SAMD12: variants seen among roughly 807,000 people sequenced by gnomAD.
The protein encoded by SAMD12 is sterile alpha motif domain containing 12, also known as sterile alpha motif domain-containing protein 12.
SAMD12 carries 9 observed loss-of-function variants against 15.0 expected under a neutral mutation model. The ratio of observed to expected loss-of-function variants is 0.60; its 90% CI spans 0.36 to 1.05. The LOEUF (loss-of-function observed/expected upper bound fraction) is 1.05, where lower values mean the gene tolerates loss of function less well. SAMD12 is among the 50% of genes least tolerant of loss of function. SAMD12 has a pLI of 0.01. For missense variants in SAMD12, 230 were observed against 234.2 expected (o/e 0.98, Z 0.12); for synonymous variants, 86 against 90.1 (o/e 0.96, Z 0.25).
At chr8:118,489,265 G>C (rs919271188) in intron 2 of SAMD12, among the ~76,000 whole-genome samples, 1 of 151,980 alleles carries the variant, frequency 6.6e-6, no homozygotes, top group Non-Finnish European at 1.5e-5. Flanking sequence ...TTTATGTATT[G>C]CAAATATCTT....
chr8:118,314,460 T>C (rs1815781107), intron 4 of SAMD12, among the ~76,000 whole-genome samples: 1 of 152,124 alleles, frequency 6.6e-6, no homozygotes, highest in African/African-American at 2.4e-5. Flanking sequence ...TTTTATCACA[T>C]ATGTGGCTTT....
chr8:118,411,408 G>A (rs1187881822), intron 3 of SAMD12, among the ~76,000 whole-genome samples: 1 of 152,206 alleles, frequency 6.6e-6, no homozygotes, highest in African/African-American at 2.4e-5. Flanking sequence ...CACAGTGAGT[G>A]TGGACTCAGG....
At chr8:118,475,997 T>C (rs1003653717) in intron 2 of SAMD12, among the ~76,000 whole-genome samples, 2 of 152,216 alleles carry the variant, frequency 1.3e-5, no homozygotes, top group African/African-American at 4.8e-5. Flanking sequence ...TTCTCTTTCA[T>C]AGGAATCATT....
At chr8:118,287,747 G>T (rs74849096) in intron 4 of SAMD12, among the ~76,000 whole-genome samples, 8,710 of 152,194 alleles carry the variant, frequency 0.057, 784 homozygotes, top group African/African-American at 0.2. Context: ...TGTGATTGTT[G>T]TTCACTTCAT....
intron 1 of SAMD12, among the ~76,000 whole-genome samples, chr8:118,612,566 G>C (rs538915993): frequency 1.3e-5 from 2 of 152,140 alleles, no homozygotes; most frequent in Non-Finnish European, 2.9e-5. Context: ...TCTTGTCCTT[G>C]TGAGGTTGTC....
intron 4 of SAMD12, among the ~76,000 whole-genome samples, chr8:118,360,655 C>T (rs917773121): frequency 6.6e-6 from 1 of 152,110 alleles, no homozygotes. Flanking sequence ...TGGGTACCCA[C>T]GGGGATTTTG....
chr8:118,483,731 G>C (rs7005237), intron 2 of SAMD12, among the ~76,000 whole-genome samples: 17,944 of 152,098 alleles, frequency 0.12, 1,401 homozygotes, highest in African/African-American at 0.22. Context: ...CACGTTTGAG[G>C]ATGTACTCAG....
At chr8:118,159,967 G>A in the SAMD12 span, among the ~76,000 whole-genome samples, 25 of 151,972 alleles carry the variant, frequency 1.6e-4, no homozygotes, top group Admixed American at 7.2e-4. Flanking sequence ...TGATCTGCCC[G>A]CCTCAGCCTC....
intron 2 of SAMD12, among the ~76,000 whole-genome samples, chr8:118,446,552 G>A (rs983291818): frequency 6.6e-6 from 1 of 151,866 alleles, no homozygotes; most frequent in African/African-American, 2.4e-5. Context: ...CATAAAATTT[G>A]GAAAAACACT....
chr8:118,304,155 G>C (rs1254538058), intron 4 of SAMD12, among the ~76,000 whole-genome samples: 2 of 152,162 alleles, frequency 1.3e-5, no homozygotes, highest in Non-Finnish European at 2.9e-5. Context: ...CCTATAAAGA[G>C]AGGACACTCG....
intron 4 of SAMD12, among the ~76,000 whole-genome samples, chr8:118,318,355 T>TACACACAC (rs1161460062): frequency 9.0e-6 from 1 of 110,828 alleles, no homozygotes; most frequent in East Asian, 2.6e-4. Flanking sequence ...TATATATATA[T>TACACACAC]ACATATATAC....
intron 4 of SAMD12, among the ~76,000 whole-genome samples, chr8:118,365,240 C>T (rs898416127): frequency 6.6e-6 from 1 of 152,200 alleles, no homozygotes; most frequent in African/African-American, 2.4e-5. Flanking sequence ...ACTTCTTCAA[C>T]CTTCACCCCT....
the SAMD12 span, among the ~76,000 whole-genome samples, chr8:118,166,202 G>GACCCCTT: frequency 2.0e-5 from 3 of 152,076 alleles, no homozygotes; most frequent in Admixed American, 2.0e-4. Context: ...TGGATATAAG[G>GACCCCTT]GGTCTATAAA....
intron 3 of SAMD12, among the ~76,000 whole-genome samples, chr8:118,391,152 TAA>T (rs903969934): frequency 2.0e-5 from 3 of 152,310 alleles, no homozygotes; most frequent in Non-Finnish European, 4.4e-5. Context: ...TTAAAAACCC[TAA>T]AAGATTTTGT....
intron 4 of SAMD12, among the ~76,000 whole-genome samples, chr8:118,325,175 A>G (rs2130472226): frequency 6.6e-6 from 1 of 152,334 alleles, no homozygotes; most frequent in African/African-American, 2.4e-5. Context: ...ATTTGCTGCT[A>G]AACAGCAGAG....
chr8:118,211,842 A>AGGAGGTG (rs769802829), intron 4 of SAMD12, among the ~76,000 whole-genome samples: 2 of 152,196 alleles, frequency 1.3e-5, no homozygotes, highest in Non-Finnish European at 1.5e-5. Context: ...TGCTGGAGAC[A>AGGAGGTG]GGAGGTGGAA....
At chr8:118,577,392 C>CA (rs1361246170) in intron 2 of SAMD12, among the ~76,000 whole-genome samples, 3 of 152,150 alleles carry the variant, frequency 2.0e-5, no homozygotes, top group Non-Finnish European at 2.9e-5. Context: ...TCAGTGTCAA[C>CA]AGGGTAGATT....
chr8:118,203,983 G>A (rs1446213357), intron 4 of SAMD12, among the ~76,000 whole-genome samples: 1 of 151,614 alleles, frequency 6.6e-6, no homozygotes, highest in Admixed American at 6.6e-5. Flanking sequence ...CCCAAAATAG[G>A]CCAAGATAAA....
At chr8:118,325,649 G>C (rs1484103753) in intron 4 of SAMD12, among the ~76,000 whole-genome samples, 1 of 152,126 alleles carries the variant, frequency 6.6e-6, no homozygotes, top group East Asian at 1.9e-4. Flanking sequence ...CTATAGTTAT[G>C]ATGCTGTGCA....
Sources: gnomAD v4.1 joint callset for allele counts (sites outside exome capture counted in the v4.1 genomes callset) on GRCh38, gnomAD v4.1.1 for gene constraint, MANE v1.5 for transcripts, NCBI Gene and HGNC (gene_info 2026-07-23, HGNC 2026-07-21) for gene names.